The following VRK3 variants were observed in gnomAD, a reference collection of about 807,000 sequenced individuals.
VRK3 encodes serine/threonine-protein kinase VRK3.
Under a neutral mutation model 60.4 loss-of-function variants are expected in VRK3, and 50 were observed. That is an observed-to-expected ratio of 0.83 (90% CI 0.66 to 1.05). The LOEUF (loss-of-function observed/expected upper bound fraction) is 1.05. Among genes scored for constraint, VRK3 ranks in the 50% least tolerant of loss-of-function variants. VRK3 has a pLI of 0.00. For missense variants in VRK3, 549 were observed against 585.3 expected, an observed-to-expected ratio of 0.94 and a Z score of 0.64; for synonymous variants, 246 against 227.8, an observed-to-expected ratio of 1.08 and a Z score of -0.72.
intron 5 of VRK3, among the ~76,000 whole-genome samples, chr19:50,002,339 C>T (rs981809376): frequency 6.6e-6 from 1 of 152,034 alleles, no homozygotes; most frequent in African/African-American, 2.4e-5. Flanking sequence ...GTGCTCTGAG[C>T]CCAGGGGAAG....
At chr19:49,980,676 C>A (rs1456193830) in intron 13 of VRK3, among the ~76,000 whole-genome samples, 1 of 151,764 alleles carries the variant, frequency 6.6e-6, no homozygotes, top group African/African-American at 2.4e-5. Context: ...GAGATCGTAC[C>A]ATTGCACTCT....
At position 49,992,873 on chromosome 19, in the gene VRK3, T is replaced by A; in HGVS notation, c.950A>T (p.Glu317Val). ...VTAENIFVDP[E>V]DQSQVTLAGY... The stretch of plus-strand genomic sequence containing the variant: ...GCTGGCTCTTACCTGACTCTGGTCC[T>A]CTGGATCCACAAAGATATTTTCAGC... Residue 317 changes from glutamate to valine, a missense_variant, in exon 10 of 15, where the codon GAG becomes GTG. By Grantham distance (121) the Glu-to-Val change is moderately radical. Transcript: ENST00000316763. 1 of 1,614,142 alleles carries A rather than the reference T, an allele frequency of 6.2e-7. No homozygotes were observed. Among genetic ancestry groups the A allele is most frequent in the Non-Finnish European group, 8.5e-7 (1 of 1,180,032 alleles).
intron 11 of VRK3, 47 bp from the exon 12 acceptor site, chr19:49,988,539 C>T: frequency 3.8e-6 from 6 of 1,599,084 alleles, no homozygotes; most frequent in Non-Finnish European, 5.1e-6. Flanking sequence ...GGACGCTCCA[C>T]TCACTGGTGG....
At chr19:50,018,178 A>G (rs937692857) in intron 2 of VRK3, among the ~76,000 whole-genome samples, 1 of 152,186 alleles carries the variant, frequency 6.6e-6, no homozygotes, top group East Asian at 1.9e-4. Flanking sequence ...TATCTGATAG[A>G]ATGGTCGATG....
In VRK3 at chr19:49,979,297, C is replaced by T. The variant is rs139531982; in HGVS notation, c.1277-55G>A. ...GAGCCTGAGAGGCATCCCCCAACCC[C>T]GATCCTGGGGGTCTCCACCCAAGGA... On this transcript the variant is annotated intron_variant, in intron 13 of 14. Transcript: ENST00000316763. 666 of 1,612,084 alleles carry T rather than the reference C, an allele frequency of 4.1e-4. No homozygotes were observed. The African/African-American group carries it at 7.8e-3, about 19-fold the overall frequency.
chr19:50,019,715 C>CTTTTTTTTTTTTTT (rs1225686835), intron 2 of VRK3, among the ~76,000 whole-genome samples: 176 of 50,320 alleles, frequency 3.5e-3, no homozygotes, highest in Non-Finnish European at 4.5e-3. Context: ...TTTTTTTTTA[C>CTTTTTTTTTTTTTT]TTTTTGTAGA....
intron 12 of VRK3, chr19:49,981,900 G>A: frequency 2.0e-6 from 2 of 1,011,346 alleles, no homozygotes; most frequent in Non-Finnish European, 2.7e-6. Context: ...TAGGTTCAAA[G>A]CAAGCAGGCT....
At chr19:49,980,831 T>C in intron 13 of VRK3, 124 bp downstream of exon 13, 1 of 810,726 alleles carries the variant, frequency 1.2e-6, no homozygotes, top group Non-Finnish European at 2.0e-6. Flanking sequence ...TGGGTACGTA[T>C]TACAAATGCA....
chr19:49,988,366 A>G lies in VRK3; in HGVS notation c.1217+6T>C. ...CTGCAGGGGTTCTGCTGACCCCTAG[A>G]CTCACTTCTGTTTTTGCTTCATGAT... On this transcript the variant is annotated splice_donor_region_variant and intron_variant, in intron 12 of 14. Transcript: ENST00000316763. The G allele has an allele frequency of 6.2e-7, 1 of 1,610,396 alleles. No individual in the cohort carries two copies. The highest frequency in any genetic ancestry group is 8.5e-7 in the Non-Finnish European group (1 of 1,178,116).
intron 3 of VRK3, 134 bp downstream of exon 3, chr19:50,015,890 C>T: frequency 3.3e-6 from 4 of 1,204,722 alleles, no homozygotes; most frequent in Non-Finnish European, 4.7e-6. Context: ...CAGAGGGGTC[C>T]AGTCCTGAGG....
intron 11 of VRK3, 57 bp downstream of exon 11, chr19:49,989,582 C>G: frequency 6.4e-7 from 1 of 1,557,026 alleles, no homozygotes; most frequent in Non-Finnish European, 8.7e-7. Flanking sequence ...ACTCCTAGAG[C>G]TGCCCTTGTA....
chr19:49,983,833 G>A (rs1211627164), intron 12 of VRK3, among the ~76,000 whole-genome samples: 2 of 152,192 alleles, frequency 1.3e-5, no homozygotes, highest in African/African-American at 4.8e-5. Context: ...GGTCCCCTTG[G>A]TTATTGTCTG....
chr19:49,994,046 C>A (rs2076658210), intron 9 of VRK3, among the ~76,000 whole-genome samples: 1 of 152,150 alleles, frequency 6.6e-6, no homozygotes, highest in South Asian at 2.1e-4. Flanking sequence ...GTGATGTGGT[C>A]ACCGCTGACC....
chr19:50,010,524 TTTAAG>T (rs529080688), intron 3 of VRK3, among the ~76,000 whole-genome samples: 45 of 152,364 alleles, frequency 3.0e-4, no homozygotes, highest in Non-Finnish European at 5.3e-4. Context: ...ATCTCACCAC[TTTAAG>T]TTAAATGTTC....
intron 5 of VRK3, among the ~76,000 whole-genome samples, chr19:50,006,822 A>G (rs1410901519): frequency 6.6e-6 from 1 of 152,208 alleles, no homozygotes; most frequent in East Asian, 1.9e-4. Flanking sequence ...TACTAATACT[A>G]CTGCCATAAT....
At chr19:49,987,277 G>T (rs1253807173) in intron 12 of VRK3, among the ~76,000 whole-genome samples, 2 of 152,130 alleles carry the variant, frequency 1.3e-5, no homozygotes, top group Non-Finnish European at 2.9e-5. Context: ...CTTCCCTTTT[G>T]TGCTCCGCTG....
chr19:49,993,009 T>A (rs948202587), intron 9 of VRK3, 57 bp from the exon 10 acceptor site: 200 of 1,473,372 alleles, frequency 1.4e-4, no homozygotes, highest in Non-Finnish European at 1.7e-4. Flanking sequence ...ACAGAGAGGC[T>A]ATGGTGCAGA....
chr19:50,018,008 C>T (rs2077105553), intron 2 of VRK3, among the ~76,000 whole-genome samples: 1 of 152,182 alleles, frequency 6.6e-6, no homozygotes, highest in Admixed American at 6.5e-5. Flanking sequence ...ACTGTAAAGG[C>T]TGGCTTCTGT....
At chr19:49,981,823 T>C in intron 12 of VRK3, 1 of 1,168,012 alleles carries the variant, frequency 8.6e-7, no homozygotes, top group Non-Finnish European at 1.1e-6. Flanking sequence ...CGCACACTGG[T>C]CAGGGAGCTC....
Sources: allele counts gnomAD v4.1 joint callset (sites outside exome capture counted in the v4.1 genomes callset), GRCh38; gene constraint gnomAD v4.1.1; transcripts MANE v1.5; gene names NCBI Gene and HGNC (gene_info 2026-07-23, HGNC 2026-07-21).